The following SHANK2 variants were observed in gnomAD, a reference collection of about 807,000 sequenced individuals.
SHANK2 encodes the protein SH3 and multiple ankyrin repeat domains 2.
In SHANK2, 43 loss-of-function variants were observed where a neutral mutation model predicts 133.7. The ratio of observed to expected loss-of-function variants is 0.32; its 90% CI spans 0.25 to 0.41. SHANK2 has a LOEUF of 0.41. SHANK2 is among the 10% of genes least tolerant of loss of function. The pLI, the probability that SHANK2 is intolerant of heterozygous loss-of-function variation, is 1.00. For synonymous variants in SHANK2, 1,017 were observed against 952.8 expected (o/e 1.07, Z -1.24); for missense variants, 1,994 against 2,235.8 (o/e 0.89, Z 2.18).
At chr11:70,824,171 C>T (rs1271952265) in intron 11 of SHANK2, among the ~76,000 whole-genome samples, 2 of 151,930 alleles carry the variant, frequency 1.3e-5, no homozygotes, top group African/African-American at 4.8e-5. Flanking sequence ...AGTTGTGACC[C>T]GGCGCACCTT....
intron 11 of SHANK2, among the ~76,000 whole-genome samples, chr11:70,870,444 G>C (rs782352537): frequency 3.9e-5 from 6 of 152,196 alleles, no homozygotes; most frequent in Non-Finnish European, 7.3e-5. Flanking sequence ...TAACTGAGAT[G>C]GGGTGCCCAG....
Position 70,841,995 on chromosome 11 carries a change from G to T in SHANK2, c.1175-21313C>A, listed in dbSNP as rs545400609. ...CTGCCCTTATTCCTGGGACCTAACT[G>T]CCCTTCTCCCTTAACCCTGGGCTCC... is the stretch of plus-strand genomic sequence containing the variant. On this transcript the variant is annotated intron_variant, in intron 11 of 25. Coordinates refer to ENST00000601538, the MANE Select transcript of SHANK2 (RefSeq NM_012309.5). Among the ~76,000 whole-genome samples the T allele has an allele frequency of 8.5e-4, 130 of 152,138 alleles. 1 individual carries two copies. Among genetic ancestry groups the T allele is most frequent in the Non-Finnish European group, 1.1e-3 (74 of 68,010 alleles).
intron 2 of SHANK2, among the ~76,000 whole-genome samples, chr11:71,216,039 C>T (rs1028067118): frequency 5.1e-3 from 31 of 6,104 alleles, no homozygotes; most frequent in Non-Finnish European, 0.03. Flanking sequence ...GGTCCAACGG[C>T]GCAGCCACTC....
At chr11:70,625,810 G>GAAAAAAAAAAAAAAAA (rs34147403) in intron 17 of SHANK2, among the ~76,000 whole-genome samples, 1 of 41,382 alleles carries the variant, frequency 2.4e-5, no homozygotes. Flanking sequence ...GTGCAAAAAT[G>GAAAAAAAAAAAAAAAA]AAAAAAAAAA....
At chr11:71,158,466 A>C (rs1216182734) in intron 2 of SHANK2, among the ~76,000 whole-genome samples, 1 of 152,240 alleles carries the variant, frequency 6.6e-6, no homozygotes, top group Non-Finnish European at 1.5e-5. Flanking sequence ...ATAAAGAAAG[A>C]ATTGAAGGTA....
intron 12 of SHANK2, among the ~76,000 whole-genome samples, chr11:70,817,746 C>G (rs1948429870): frequency 6.6e-6 from 1 of 152,112 alleles, no homozygotes; most frequent in Admixed American, 6.5e-5. Context: ...TTCTGGGACC[C>G]TTTTTTGAGA....
intron 2 of SHANK2, among the ~76,000 whole-genome samples, chr11:71,183,609 G>A (rs531421619): frequency 6.6e-6 from 1 of 152,314 alleles, no homozygotes; most frequent in South Asian, 2.1e-4. Context: ...CTCTCCCTCT[G>A]CTCCCATGGA....
intron 8 of SHANK2, among the ~76,000 whole-genome samples, chr11:71,084,344 G>A (rs1426262175): frequency 2.0e-5 from 3 of 152,188 alleles, no homozygotes; most frequent in African/African-American, 4.8e-5. Context: ...AGCCTGTGGG[G>A]ATGGGGCATA....
intron 11 of SHANK2, 59 bp from the exon 12 acceptor site, chr11:70,820,741 T>G (rs1414703211): frequency 4.9e-6 from 3 of 614,562 alleles, no homozygotes; most frequent in Non-Finnish European, 8.8e-6. Context: ...GTCAGCTGGG[T>G]GGGGACCCTA....
intron 11 of SHANK2, chr11:70,826,612 G>C (rs1482018050): frequency 1.5e-5 from 7 of 458,110 alleles, no homozygotes; most frequent in Non-Finnish European, 3.2e-5. Flanking sequence ...GGGACCCGGG[G>C]AGAGGTGGCG....
intron 14 of SHANK2, among the ~76,000 whole-genome samples, chr11:70,751,644 C>T (rs537499015): frequency 3.3e-5 from 5 of 152,164 alleles, no homozygotes; most frequent in East Asian, 3.9e-4. Flanking sequence ...CTTGAAAATA[C>T]GATGGTTGAA....
At chr11:70,953,343 C>T (rs1408208406) in intron 10 of SHANK2, among the ~76,000 whole-genome samples, 4 of 151,890 alleles carry the variant, frequency 2.6e-5, no homozygotes, top group Admixed American at 2.0e-4. Context: ...AATTGGCTCA[C>T]AGCATCACAA....
chr11:71,181,428 A>G (rs1555113734), intron 2 of SHANK2, among the ~76,000 whole-genome samples: 1 of 152,152 alleles, frequency 6.6e-6, no homozygotes, highest in Non-Finnish European at 1.5e-5. Flanking sequence ...GCCGGAGCCC[A>G]GGAGTTCAGG....
intron 17 of SHANK2, among the ~76,000 whole-genome samples, chr11:70,658,240 CACACAG>C (rs1349052008): frequency 0.032 from 2,348 of 74,362 alleles, 19 homozygotes; most frequent in Non-Finnish European, 0.052. Flanking sequence ...CACACACACA[CACACAG>C]ACACACACAC....
chr11:70,543,266 T>C (rs2059645978), intron 17 of SHANK2, among the ~76,000 whole-genome samples: 1 of 152,116 alleles, frequency 6.6e-6, no homozygotes. Context: ...CTCAGGACCC[T>C]CCAGAGTGCT....
At chr11:70,730,197 C>T (rs1946259047) in intron 14 of SHANK2, among the ~76,000 whole-genome samples, 1 of 150,328 alleles carries the variant, frequency 6.7e-6, no homozygotes, top group African/African-American at 2.5e-5. Flanking sequence ...GGAGCTGGCA[C>T]AGGTGAATCT....
intron 10 of SHANK2, among the ~76,000 whole-genome samples, chr11:70,935,775 A>G (rs1473079007): frequency 6.8e-6 from 1 of 148,006 alleles, no homozygotes; most frequent in African/African-American, 2.4e-5. Context: ...TCCAAGAGAC[A>G]GCAACTTGGG....
intron 25 of SHANK2, among the ~76,000 whole-genome samples, chr11:70,481,733 C>A (rs2058735790): frequency 6.6e-6 from 1 of 152,262 alleles, no homozygotes; most frequent in Non-Finnish European, 1.5e-5. Flanking sequence ...GGGCCATTCA[C>A]AGCTCTTAAT....
intron 14 of SHANK2, among the ~76,000 whole-genome samples, chr11:70,738,933 C>T (rs548192700): frequency 1.3e-5 from 2 of 152,350 alleles, no homozygotes; most frequent in South Asian, 4.1e-4. Flanking sequence ...AGAAAGACAG[C>T]GGGGTCACTG....
Sources: allele counts gnomAD v4.1 joint callset (sites outside exome capture counted in the v4.1 genomes callset), GRCh38; gene constraint gnomAD v4.1.1; transcripts MANE v1.5; gene names NCBI Gene and HGNC (gene_info 2026-07-23, HGNC 2026-07-21).